ARNT2: variants seen among roughly 807,000 people sequenced by gnomAD.
ARNT2 encodes ARNT protein 2.
In ARNT2, 36 loss-of-function variants were observed where a neutral mutation model predicts 91.7. The ratio of observed to expected loss-of-function variants is 0.39; its 90% CI spans 0.30 to 0.52. ARNT2 has a LOEUF of 0.52. Among genes scored for constraint, ARNT2 ranks in the 20% least tolerant of loss-of-function variants. The probability of loss-of-function intolerance (pLI) is 0.72; values close to 1 mark genes in which losing one functional copy is unlikely to be tolerated. For synonymous variants in ARNT2, 365 were observed against 347.1 expected (o/e 1.05, Z -0.57); for missense variants, 775 against 939.3 (o/e 0.83, Z 2.29).
intron 3 of ARNT2, among the ~76,000 whole-genome samples, chr15:80,464,287 C>G (rs1382814987): frequency 6.7e-6 from 1 of 148,240 alleles, no homozygotes; most frequent in Non-Finnish European, 1.5e-5. Flanking sequence ...GCTTCCTCCT[C>G]TGGGGAAAGG....
At chr15:80,473,140 G>T (rs551258012) in intron 4 of ARNT2, among the ~76,000 whole-genome samples, 5 of 152,294 alleles carry the variant, frequency 3.3e-5, no homozygotes, top group African/African-American at 1.2e-4. Context: ...ATTGCTGAGG[G>T]CGTGAAGTAA....
At chr15:80,532,500 A>G (rs758199065) in intron 8 of ARNT2, among the ~76,000 whole-genome samples, 2 of 152,126 alleles carry the variant, frequency 1.3e-5, no homozygotes, top group South Asian at 2.1e-4. Flanking sequence ...GTGTCTTCCT[A>G]TATGAAGAGG....
chr15:80,494,586 C>T (rs759536277), intron 5 of ARNT2, among the ~76,000 whole-genome samples: 10 of 152,090 alleles, frequency 6.6e-5, no homozygotes, highest in Non-Finnish European at 1.2e-4. Flanking sequence ...GAAGAGGTGC[C>T]GGCCATGGGA....
intron 1 of ARNT2, among the ~76,000 whole-genome samples, chr15:80,430,190 C>T (rs1481731863): frequency 6.6e-6 from 1 of 152,130 alleles, no homozygotes. Flanking sequence ...ATAACTTGTG[C>T]TTTCCTGGGC....
chr15:80,552,051 A>C (rs1343727843), intron 9 of ARNT2, among the ~76,000 whole-genome samples: 1 of 152,184 alleles, frequency 6.6e-6, no homozygotes, highest in African/African-American at 2.4e-5. Context: ...TAGGACATTG[A>C]GGGTCTTCCC....
At chr15:80,439,607 T>G (rs1896155608) in intron 1 of ARNT2, among the ~76,000 whole-genome samples, 1 of 152,256 alleles carries the variant, frequency 6.6e-6, no homozygotes, top group Non-Finnish European at 1.5e-5. Flanking sequence ...GAGTATTCCA[T>G]AAGTTATGAG....
intron 5 of ARNT2, among the ~76,000 whole-genome samples, chr15:80,489,873 G>C (rs1897029167): frequency 6.6e-6 from 1 of 152,190 alleles, no homozygotes; most frequent in African/African-American, 2.4e-5. Context: ...TTTCCCCGCT[G>C]ACCAGTTGGG....
In ARNT2 at chr15:80,412,606, T is replaced by C. The variant is rs568169864; in HGVS notation, c.31+8060T>C. On this transcript the variant is annotated intron_variant, in intron 1 of 18. Transcript: ENST00000303329. The stretch of plus-strand genomic sequence containing the variant: ...GGTATATCCTATCAAGGATACTGAT[T>C]TGAGAAGCTGCATATATTCTGTTTA... Among the ~76,000 whole-genome samples, 49 of 152,342 alleles carry C rather than the reference T, an allele frequency of 3.2e-4. 1 individual carries two copies. Among genetic ancestry groups the C allele is most frequent in the Admixed American group, 3.2e-3 (49 of 15,296 alleles).
chr15:80,517,865 C>T (rs187411848), intron 8 of ARNT2, among the ~76,000 whole-genome samples: 29 of 152,084 alleles, frequency 1.9e-4, no homozygotes, highest in African/African-American at 5.5e-4. Context: ...TTAGAGTTTC[C>T]ATCTCTCTGC....
chr15:80,576,514 T>G (rs1015543580), intron 14 of ARNT2, among the ~76,000 whole-genome samples: 2 of 152,114 alleles, frequency 1.3e-5, no homozygotes, highest in Admixed American at 6.5e-5. Flanking sequence ...TGACCTCAAG[T>G]GATCCGCCTG....
chr15:80,428,136 T>TGG (rs1400612581), intron 1 of ARNT2, among the ~76,000 whole-genome samples: 1 of 152,228 alleles, frequency 6.6e-6, no homozygotes, highest in African/African-American at 2.4e-5. Flanking sequence ...AGTGGAAGAC[T>TGG]CCGTGTGGGC....
At chr15:80,515,600 T>C (rs1407290767) in intron 8 of ARNT2, among the ~76,000 whole-genome samples, 1 of 152,170 alleles carries the variant, frequency 6.6e-6, no homozygotes, top group African/African-American at 2.4e-5. Flanking sequence ...GAGGAATGAC[T>C]GCTAATGGAT....
intron 2 of ARNT2, among the ~76,000 whole-genome samples, chr15:80,452,427 G>C (rs1047063364): frequency 1.3e-5 from 2 of 152,162 alleles, no homozygotes; most frequent in African/African-American, 4.8e-5. Context: ...CTCACCGCTG[G>C]GGCTTCCTGC....
intron 5 of ARNT2, among the ~76,000 whole-genome samples, chr15:80,507,571 G>T (rs948260422): frequency 1.3e-5 from 2 of 151,806 alleles, no homozygotes; most frequent in Non-Finnish European, 2.9e-5. Context: ...ATATAGTACG[G>T]TCATTGGCAT....
intron 5 of ARNT2, among the ~76,000 whole-genome samples, chr15:80,490,010 T>C (rs1897031788): frequency 6.6e-6 from 1 of 152,242 alleles, no homozygotes; most frequent in East Asian, 1.9e-4. Context: ...TCATCTTTTT[T>C]TTTCCCCCAA....
intron 1 of ARNT2, among the ~76,000 whole-genome samples, chr15:80,421,737 C>T (rs936894580): frequency 1.3e-5 from 2 of 152,098 alleles, no homozygotes; most frequent in Non-Finnish European, 2.9e-5. Flanking sequence ...CACCTTTTTC[C>T]TAGGGTATTT....
At chr15:80,412,938 G>A (rs1040740373) in intron 1 of ARNT2, among the ~76,000 whole-genome samples, 5 of 152,142 alleles carry the variant, frequency 3.3e-5, no homozygotes, top group Non-Finnish European at 5.9e-5. Context: ...CAGACGCTGT[G>A]CCCCCTATCC....
At chr15:80,522,392 C>G (rs1284304176) in intron 8 of ARNT2, among the ~76,000 whole-genome samples, 1 of 152,174 alleles carries the variant, frequency 6.6e-6, no homozygotes, top group Non-Finnish European at 1.5e-5. Context: ...TCAGCATATA[C>G]ATACATATGT....
chr15:80,457,834 C>T lies in ARNT2; in HGVS notation c.147-95C>T, dbSNP rs1232442853. On this transcript the variant is annotated intron_variant, in intron 2 of 18. Transcript: ENST00000303329. The stretch of plus-strand genomic sequence containing the variant: ...AGGTTGGGATCAATGGATAGCAGTC[C>T]TAGTGAATAAAGCTCCTTTTGTTCC... 7 of 1,333,030 alleles carry T rather than the reference C, an allele frequency of 5.3e-6. No individual in the cohort carries two copies. The Admixed American group carries it at 1.1e-4, about 20-fold the overall frequency. 82.6% of individuals were successfully genotyped at this position (1,333,030 alleles called of 1,614,324 possible).
Sources: allele counts gnomAD v4.1 joint callset (sites outside exome capture counted in the v4.1 genomes callset), GRCh38; gene constraint gnomAD v4.1.1; transcripts MANE v1.5; gene names NCBI Gene and HGNC (gene_info 2026-07-23, HGNC 2026-07-21).